ARHGEF17: variants seen among roughly 807,000 people sequenced by gnomAD.
ARHGEF17 encodes the protein 164 kDa Rho-specific guanine-nucleotide exchange factor.
ARHGEF17 carries 80 observed loss-of-function variants against 174.0 expected under a neutral mutation model. That is an observed-to-expected ratio of 0.46 (90% CI 0.38 to 0.55). The LOEUF is 0.55. Ranked by LOEUF, ARHGEF17 falls within the 20% of genes least tolerant of loss-of-function variation. The pLI is 0.00. For missense variants in ARHGEF17, 2,886 were observed against 2,839.7 expected (o/e 1.02, Z -0.37); for synonymous variants, 1,311 against 1,189.1 (o/e 1.10, Z -2.11).
In ARHGEF17 at chr11:73,310,394, A is replaced by G. The variant is rs1864800515; in HGVS notation, c.1756A>G (p.Ile586Val). 1.2e-6 allele frequency: 2 copies of G among 1,613,914 alleles called. No individual in the cohort carries two copies. Among genetic ancestry groups the G allele is most frequent in the East Asian group, 2.2e-5 (1 of 44,876 alleles). ...TGCCGAGGAGGATCCGCTGCCCCTC[A>G]TCGTCCAGGACCAATATGTGCAGGA... ...PGAEEDPLPLIVQDQYVQEAR... is the reference protein window; with the variant it reads ...PGAEEDPLPLVVQDQYVQEAR... The change falls in exon 1 of 21, where the codon ATC becomes GTC. Residue 586 changes from isoleucine to valine, a missense_variant. Transcript: ENST00000263674.
intron 1 of ARHGEF17, among the ~76,000 whole-genome samples, chr11:73,326,339 A>G (rs1865101290): frequency 1.3e-5 from 2 of 152,180 alleles, no homozygotes. Context: ...CTGGGGTACC[A>G]TGAAAGCTCC....
intron 2 of ARHGEF17, among the ~76,000 whole-genome samples, chr11:73,349,886 G>A (rs1325731824): frequency 1.3e-5 from 2 of 152,170 alleles, no homozygotes; most frequent in Non-Finnish European, 2.9e-5. Context: ...GGCAGCCCTG[G>A]AGTGTGGGAG....
chr11:73,309,409 C>T lies in ARHGEF17; in HGVS notation c.771C>T (p.Gly257=). The change falls in exon 1 of 21, where the codon GGC becomes GGT. Residue 257 remains glycine, a synonymous_variant. Coordinates refer to ENST00000263674, the MANE Select transcript of ARHGEF17 (RefSeq NM_014786.4). ...GCTCCAGCGAGGAGGAAGAGGAGGG[C>T]CCGCCGCAGCTGCCTGGAGCCCAGA... ...AASSSEEEEE[G]PPQLPGAQSP... 1 of 1,554,086 alleles carries T rather than the reference C, an allele frequency of 6.4e-7. No homozygotes were observed. Among genetic ancestry groups the T allele is most frequent in the Non-Finnish European group, 8.7e-7 (1 of 1,147,954 alleles).
At chr11:73,361,892 C>T (rs1272121488) in intron 12 of ARHGEF17, 148 bp from the exon 13 acceptor site, 5 of 839,716 alleles carry the variant, frequency 6.0e-6, no homozygotes, top group African/African-American at 3.6e-5. Context: ...TGTATGTGTA[C>T]GCGTGTGTAG....
At chr11:73,366,457 G>A (rs1343554582) in intron 20 of ARHGEF17, among the ~76,000 whole-genome samples, 1 of 152,186 alleles carries the variant, frequency 6.6e-6, no homozygotes, top group Non-Finnish European at 1.5e-5. Context: ...TGCCAGGCGC[G>A]GTGGCTCACA....
Position 73,311,772 on chromosome 11 carries a change from C to G in ARHGEF17, c.3134C>G (p.Ala1045Gly). 3 of 1,612,294 alleles carry G rather than the reference C, an allele frequency of 1.9e-6. No homozygotes were observed. Among genetic ancestry groups the G allele is most frequent in the Non-Finnish European group, 2.5e-6 (3 of 1,179,430 alleles). The change falls in exon 1 of 21, where the codon GCA becomes GGA. Residue 1045 changes from alanine to glycine, a missense_variant. Physicochemically the swap from Ala to Gly is moderately conservative, Grantham distance 60. This residue lies in a region of ARHGEF17 where 1,728 missense variants were observed against 1,461.2 expected (regional missense o/e 1.18). Transcript: ENST00000263674. ...PPSAEAKPPE[A>G]ARPADEPTPA... Reference sequence around the variant, plus strand: ...TCTGCTGAGGCCAAGCCCCCTGAGGCAGCTCGGCCTGCAGATGAGCCTACC... The same window carrying G: ...TCTGCTGAGGCCAAGCCCCCTGAGGGAGCTCGGCCTGCAGATGAGCCTACC...
intron 1 of ARHGEF17, among the ~76,000 whole-genome samples, chr11:73,323,606 G>A (rs997361296): frequency 1.3e-4 from 20 of 152,280 alleles, no homozygotes; most frequent in Admixed American, 4.6e-4. Context: ...ATGCCTGAGC[G>A]CCCTCCCAGC....
Position 73,329,322 on chromosome 11 carries a change from CATATATATATATATATATATAT to C in ARHGEF17, c.3192+17523_3193-17509del, listed in dbSNP as rs1164051322. Among the ~76,000 whole-genome samples, 4 of 15,294 alleles carry C rather than the reference CATATATATATATATATATATAT, an allele frequency of 2.6e-4. 1 individual carries two copies. The highest frequency in any genetic ancestry group is 4.7e-4 in the Non-Finnish European group (4 of 8,508). The allele number at this position is 15,294 out of a possible 152,430, so 10.0% of individuals were successfully genotyped here. The stretch of plus-strand genomic sequence containing the variant: ...GCCTTATCAGTATTTTGAGAGCTTT[CATATATATATATATATATATAT>C]ATATATATATATATATATATATATA... On this transcript the variant is annotated intron_variant, in intron 1 of 20. Transcript: ENST00000263674.
chr11:73,326,626 A>AG (rs1865106016), intron 1 of ARHGEF17, among the ~76,000 whole-genome samples: 1 of 152,232 alleles, frequency 6.6e-6, no homozygotes, highest in Non-Finnish European at 1.5e-5. Context: ...AGGCTGAGGC[A>AG]GGAGAATCGC....
At chr11:73,346,730 C>T (rs967832136) in intron 1 of ARHGEF17, among the ~76,000 whole-genome samples, 153 bp from the exon 2 acceptor site, 6 of 151,342 alleles carry the variant, frequency 4.0e-5, no homozygotes, top group South Asian at 2.1e-4. Flanking sequence ...CTGGGGGCCT[C>T]GGGGGAACAG....
chr11:73,348,488 A>C (rs973286095), intron 2 of ARHGEF17, among the ~76,000 whole-genome samples: 1 of 152,226 alleles, frequency 6.6e-6, no homozygotes, highest in Non-Finnish European at 1.5e-5. Context: ...CCTGGAGGAC[A>C]TGATGCCAAG....
chr11:73,328,529 A>C (rs1454878826), intron 1 of ARHGEF17, among the ~76,000 whole-genome samples: 1 of 152,168 alleles, frequency 6.6e-6, no homozygotes, highest in Admixed American at 6.5e-5. Flanking sequence ...TACCCAAGGC[A>C]GGGGTTGAGC....
chr11:73,365,267 A>T lies in ARHGEF17; in HGVS notation c.5551-123A>T. ...TGGTGAAACCAAGCTTCGAAAGGTT[A>T]ATCAGACCAAGGACCAACGCTAGTG... is the stretch of plus-strand genomic sequence containing the variant. On this transcript the variant is annotated intron_variant, in intron 18 of 20. Coordinates refer to ENST00000263674, the MANE Select transcript of ARHGEF17 (RefSeq NM_014786.4). This position sits in a 1 kb window ranked among gnomAD's most constrained non-coding sequence, Gnocchi z 4.9. The T allele has an allele frequency of 2.7e-6, 3 of 1,112,244 alleles. No individual in the cohort carries two copies. Among genetic ancestry groups the T allele is most frequent in the Non-Finnish European group, 3.9e-6 (3 of 775,166 alleles). The allele number at this position is 1,112,244 out of a possible 1,614,324, so 68.9% of individuals were successfully genotyped here. A position where few individuals can be genotyped will look rare whatever the true frequency, so the allele number is the denominator to read the frequency against.
chr11:73,310,055 A>T lies in ARHGEF17; in HGVS notation c.1417A>T (p.Thr473Ser). ...TCCAGATATCGCCTCAGAGACCCTG[A>T]CGCTTCTCAGTTTCCTGCGCTCAGA... The part of the protein sequence containing the change: ...SNPDIASETL[T>S]LLSFLRSDLS... The change falls in exon 1 of 21, where the codon ACG becomes TCG. Residue 473 changes from threonine (T) to serine (S), a missense_variant. By Grantham distance (58) the Thr-to-Ser change is moderately conservative. Transcript: ENST00000263674. 1 of 1,614,132 alleles carries T rather than the reference A, an allele frequency of 6.2e-7. No homozygotes were observed. Among genetic ancestry groups the T allele is most frequent in the Non-Finnish European group, 8.5e-7 (1 of 1,180,006 alleles).
At position 73,310,591 on chromosome 11, in the gene ARHGEF17, C is replaced by T. The variant is rs1864805757; in HGVS notation, c.1953C>T (p.Asp651=). Residue 651 remains aspartate, a synonymous_variant, in exon 1 of 21, where the codon GAC becomes GAT. Coordinates refer to ENST00000263674, the MANE Select transcript of ARHGEF17 (RefSeq NM_014786.4). ...SSLTDEGIGA[D]PEPPVAAFCG... is the part of the protein sequence containing the mutation. ...TGACAGATGAAGGCATTGGGGCAGA[C>T]CCTGAGCCTCCTGTTGCAGCATTTT... 1 of 1,614,142 alleles carries T rather than the reference C, an allele frequency of 6.2e-7. No individual in the cohort carries two copies. Among genetic ancestry groups the T allele is most frequent in the Admixed American group, 1.7e-5 (1 of 60,034 alleles).
In ARHGEF17 at chr11:73,310,898, TC is replaced by T. The variant is rs1565184896; in HGVS notation, c.2261del (p.Ser754LeufsTer10). On this transcript the variant is annotated frameshift_variant, in exon 1 of 21. Coordinates refer to ENST00000263674, the MANE Select transcript of ARHGEF17 (RefSeq NM_014786.4). LOFTEE classifies it high-confidence loss of function. ...CACCTCTGAAGAGCCTACTGGGTTC[TC>T]TGTGGACAGCAACCTCCTGGGCTCA... Reference protein sequence around the residue: ...AATSEEPTGFSVDSNLLGSLS... With the variant: ...AATSEEPTGFXVDSNLLGSLS... The T allele has an allele frequency of 6.2e-7, 1 of 1,613,424 alleles. No individual in the cohort carries two copies. The highest frequency in any genetic ancestry group is 8.5e-7 in the Non-Finnish European group (1 of 1,179,696).
intron 3 of ARHGEF17, 143 bp from the exon 4 acceptor site, chr11:73,355,390 G>T: frequency 1.6e-6 from 1 of 640,214 alleles, no homozygotes; most frequent in African/African-American, 1.8e-5. Context: ...TAGAGCCACA[G>T]GACATGTGCC....
At chr11:73,357,198 C>T (rs1455727674) in intron 8 of ARHGEF17, 44 bp from the exon 9 acceptor site, 2 of 1,612,820 alleles carry the variant, frequency 1.2e-6, no homozygotes, top group Non-Finnish European at 1.7e-6. Flanking sequence ...TCTCTGAGCC[C>T]CACTCCCCGA....
Position 73,339,660 on chromosome 11 carries a change from T to C in ARHGEF17, c.3193-7223T>C, listed in dbSNP as rs539297734. 9.3e-4 allele frequency among the ~76,000 whole-genome samples: 141 copies of C among 152,162 alleles called. 1 individual carries two copies. Among genetic ancestry groups the C allele is most frequent in the African/African-American group, 3.3e-3 (135 of 41,488 alleles). ...TGGGATTCCCTCAGAGATGGGGAAG[T>C]TGTTAGCAGATTGGGCAGAAGTAGG... On this transcript the variant is annotated intron_variant, in intron 1 of 20. Coordinates refer to ENST00000263674, the MANE Select transcript of ARHGEF17 (RefSeq NM_014786.4).
Sources: gnomAD v4.1 joint callset for allele counts (sites outside exome capture counted in the v4.1 genomes callset) on GRCh38, gnomAD v4.1.1 for gene constraint, gnomAD v4.1.1 regional missense constraint, Gnocchi (gnomAD v3.1) non-coding constraint, MANE v1.5 for transcripts, NCBI Gene and HGNC (gene_info 2026-07-23, HGNC 2026-07-21) for gene names.